PRKN: variants seen among roughly 807,000 people sequenced by gnomAD.
PRKN encodes parkin RBR E3 ubiquitin protein ligase.
Under a neutral mutation model 59.5 loss-of-function variants are expected in PRKN, and 56 were observed. The ratio of observed to expected loss-of-function variants is 0.94; its 90% CI spans 0.76 to 1.18. The LOEUF is 1.18. PRKN is among the 50% of genes most tolerant of loss of function. The probability of loss-of-function intolerance (pLI) is 0.00; values close to 1 mark genes in which losing one functional copy is unlikely to be tolerated. For missense variants in PRKN, 657 were observed against 596.4 expected, an observed-to-expected ratio of 1.10 and a Z score of -1.06; for synonymous variants, 250 against 222.1, an observed-to-expected ratio of 1.13 and a Z score of -1.12.
chr6:162,338,720 G>A (rs1783971248), intron 2 of PRKN, among the ~76,000 whole-genome samples: 1 of 151,966 alleles, frequency 6.6e-6, no homozygotes, highest in Non-Finnish European at 1.5e-5. Context: ...CCCATTGTCT[G>A]GGATGTGAGG....
intron 6 of PRKN, among the ~76,000 whole-genome samples, chr6:161,819,230 G>C (rs374522216): frequency 2.0e-5 from 3 of 152,130 alleles, no homozygotes; most frequent in African/African-American, 7.2e-5. Flanking sequence ...AGGCATGTGG[G>C]CTCATGCCTG....
intron 5 of PRKN, among the ~76,000 whole-genome samples, chr6:162,017,983 A>G (rs1782990544): frequency 6.6e-6 from 1 of 152,134 alleles, no homozygotes; most frequent in Non-Finnish European, 1.5e-5. Context: ...TGCGGGAAAG[A>G]TCTGGAACAG....
intron 1 of PRKN, among the ~76,000 whole-genome samples, chr6:162,590,756 T>C (rs1330118552): frequency 6.6e-6 from 1 of 152,174 alleles, no homozygotes; most frequent in Admixed American, 6.6e-5. Context: ...TTTTTTATTA[T>C]GAGTGAATTG....
Position 162,622,291 on chromosome 6 carries a change from G to GT in PRKN, c.7+105370dup, listed in dbSNP as rs748667913. 7.5e-3 allele frequency among the ~76,000 whole-genome samples: 950 copies of GT among 126,286 alleles called. 3 individuals are homozygous for GT. Among genetic ancestry groups the GT allele is most frequent in the Middle Eastern group, 0.012 (3 of 254 alleles). 82.8% of individuals were successfully genotyped at this position (126,286 alleles called of 152,430 possible). A position where few individuals can be genotyped will look rare whatever the true frequency, so the allele number is the denominator to read the frequency against. ...CAGCTATTATTTCCTTTCAAATTCT[G>GT]TTTTTTTTTTTGTTTTGTTTTTTTT... On this transcript the variant is annotated intron_variant, in intron 1 of 11. Coordinates refer to ENST00000366898, the MANE Select transcript of PRKN (RefSeq NM_004562.3).
chr6:162,359,079 A>AATATATATATAT (rs1554304695), intron 2 of PRKN, among the ~76,000 whole-genome samples: 77 of 83,200 alleles, frequency 9.3e-4, no homozygotes, highest in African/African-American at 2.8e-3. Context: ...AAAAAAAAAA[A>AATATATATATAT]ATATATATAT....
chr6:161,450,704 C>G (rs1218831810), intron 9 of PRKN, among the ~76,000 whole-genome samples: 2 of 151,816 alleles, frequency 1.3e-5, no homozygotes, highest in African/African-American at 4.8e-5. Flanking sequence ...CTACAGGTGC[C>G]CGCCACCACA....
chr6:162,314,926 A>G (rs886871255), intron 2 of PRKN, among the ~76,000 whole-genome samples: 7 of 152,130 alleles, frequency 4.6e-5, no homozygotes, highest in African/African-American at 1.4e-4. Context: ...CCAGCATCCT[A>G]TATTTATATA....
intron 5 of PRKN, among the ~76,000 whole-genome samples, chr6:162,030,488 C>T (rs910241363): frequency 3.3e-5 from 5 of 152,184 alleles, no homozygotes; most frequent in African/African-American, 1.2e-4. Context: ...CAGGAAGCCC[C>T]TTCCTTTCCT....
chr6:161,467,103 C>G lies in PRKN; in HGVS notation c.1084-80226G>C, dbSNP rs559515927. Among the ~76,000 whole-genome samples, 33 of 152,158 alleles carry G rather than the reference C, an allele frequency of 2.2e-4. No individual in the cohort carries two copies. Among genetic ancestry groups the G allele is most frequent in the Non-Finnish European group, 4.4e-4 (30 of 68,036 alleles). On this transcript the variant is annotated intron_variant, in intron 9 of 11. Transcript: ENST00000366898. The surrounding 1 kb of genome is among the most constrained non-coding windows in gnomAD (Gnocchi z 4.3). ...TCACTGTTGCCTCTGGATTAAAAAGCCTCTCTCATTACTGCTCATCAGTGT... is the reference window on the plus strand; with the variant it reads ...TCACTGTTGCCTCTGGATTAAAAAGGCTCTCTCATTACTGCTCATCAGTGT...
chr6:162,689,170 G>T (rs1272058192), intron 1 of PRKN, among the ~76,000 whole-genome samples: 2 of 152,156 alleles, frequency 1.3e-5, no homozygotes, highest in East Asian at 3.9e-4. Context: ...TCCTACAAGG[G>T]CTCTGCAACC....
At chr6:162,578,679 T>C (rs1323570037) in intron 1 of PRKN, among the ~76,000 whole-genome samples, 2 of 152,220 alleles carry the variant, frequency 1.3e-5, no homozygotes, top group African/African-American at 4.8e-5. Flanking sequence ...TTCAATACAA[T>C]AAAGCCTTAA....
intron 7 of PRKN, among the ~76,000 whole-genome samples, chr6:161,745,446 C>CAAG (rs1788374827): frequency 6.6e-6 from 1 of 152,080 alleles, no homozygotes; most frequent in Admixed American, 6.5e-5. Context: ...AGGAGAGATG[C>CAAG]AAGAAGAAAA....
At chr6:162,190,406 G>T (rs1784225407) in intron 4 of PRKN, among the ~76,000 whole-genome samples, 1 of 152,182 alleles carries the variant, frequency 6.6e-6, no homozygotes, top group East Asian at 1.9e-4. Context: ...AGCCTGCAGA[G>T]TAAGTGTCAA....
intron 4 of PRKN, among the ~76,000 whole-genome samples, chr6:162,135,023 A>G (rs553557550): frequency 6.6e-6 from 1 of 152,326 alleles, no homozygotes; most frequent in Non-Finnish European, 1.5e-5. Flanking sequence ...GGAATAACAC[A>G]GAGCATCCCA....
At chr6:162,299,952 C>A (rs1781866184) in intron 2 of PRKN, among the ~76,000 whole-genome samples, 1 of 152,252 alleles carries the variant, frequency 6.6e-6, no homozygotes, top group East Asian at 1.9e-4. Flanking sequence ...ATAAAATACT[C>A]ATGGTATTTT....
chr6:162,099,691 T>C (rs1416996381), intron 4 of PRKN, among the ~76,000 whole-genome samples: 1 of 152,240 alleles, frequency 6.6e-6, no homozygotes. Flanking sequence ...TATATAATGT[T>C]GTTTTGAAAT....
chr6:161,927,026 G>C, intron 6 of PRKN, among the ~76,000 whole-genome samples: 1 of 152,074 alleles, frequency 6.6e-6, no homozygotes, highest in South Asian at 2.1e-4. Context: ...ACCTGTTCTA[G>C]AATGACTGGT....
At chr6:161,766,610 G>A (rs916802707) in intron 7 of PRKN, among the ~76,000 whole-genome samples, 3 of 151,960 alleles carry the variant, frequency 2.0e-5, no homozygotes, top group African/African-American at 7.3e-5. Context: ...CCCTCCCCAC[G>A]GTTCCACAGA....
chr6:162,445,220 G>T (rs977767679), intron 1 of PRKN, among the ~76,000 whole-genome samples: 2 of 152,078 alleles, frequency 1.3e-5, no homozygotes, highest in African/African-American at 2.4e-5. Context: ...ATCTGGTCAG[G>T]TCCCTATTAT....
Sources: gnomAD v4.1 joint callset for allele counts (sites outside exome capture counted in the v4.1 genomes callset) on GRCh38, gnomAD v4.1.1 for gene constraint, Gnocchi (gnomAD v3.1) non-coding constraint, MANE v1.5 for transcripts, NCBI Gene and HGNC (gene_info 2026-07-23, HGNC 2026-07-21) for gene names.